The following NAALADL2 variants were observed in gnomAD, a reference collection of about 807,000 sequenced individuals.
The protein encoded by NAALADL2 is N-acetylated alpha-linked acidic dipeptidase like 2, also known as inactive N-acetylated-alpha-linked acidic dipeptidase-like protein 2.
NAALADL2 carries 76 observed loss-of-function variants against 87.2 expected under a neutral mutation model. The ratio of observed to expected loss-of-function variants is 0.87; its 90% CI spans 0.72 to 1.05. The LOEUF (loss-of-function observed/expected upper bound fraction) is 1.05, where lower values mean the gene tolerates loss of function less well. Among genes scored for constraint, NAALADL2 ranks in the 50% least tolerant of loss-of-function variants. The probability of loss-of-function intolerance (pLI) is 0.00; values close to 1 mark genes in which losing one functional copy is unlikely to be tolerated. For missense variants in NAALADL2, 1,089 were observed against 945.8 expected (o/e 1.15, Z -1.99); for synonymous variants, 354 against 331.0 (o/e 1.07, Z -0.75).
At chr3:174,726,564 C>A (rs866140445) in intron 2 of NAALADL2, among the ~76,000 whole-genome samples, 9 of 152,140 alleles carry the variant, frequency 5.9e-5, no homozygotes, top group Admixed American at 1.3e-4. Context: ...TGAGCCCATT[C>A]CGAATCCCAG....
chr3:174,822,294 C>T (rs574102900), intron 3 of NAALADL2, among the ~76,000 whole-genome samples: 1 of 152,224 alleles, frequency 6.6e-6, no homozygotes, highest in African/African-American at 2.4e-5. Context: ...GCTTATTGCA[C>T]AGGAGCTGGT....
intron 2 of NAALADL2, among the ~76,000 whole-genome samples, chr3:175,196,849 G>A (rs530999879): frequency 6.6e-6 from 1 of 151,782 alleles, no homozygotes; most frequent in Non-Finnish European, 1.5e-5. Context: ...CTCGATCTAG[G>A]GTACATATCA....
At position 175,149,031 on chromosome 3, in the gene NAALADL2, G is replaced by T. The variant is rs186117152; in HGVS notation, c.545+51740G>T. On this transcript the variant is annotated intron_variant, in intron 2 of 13. Transcript: ENST00000454872. Reference sequence around the variant, plus strand: ...AGGAATAACATTGAATCTATAGATTGCTTTGGGCAGTATGAGCATTTTAAT... The same window carrying T: ...AGGAATAACATTGAATCTATAGATTTCTTTGGGCAGTATGAGCATTTTAAT... Among the ~76,000 whole-genome samples, 3 of 152,228 alleles carry T rather than the reference G, an allele frequency of 2.0e-5. No homozygotes were observed. In the East Asian group the frequency reaches 5.8e-4, roughly 29 times the overall value.
intron 2 of NAALADL2, among the ~76,000 whole-genome samples, chr3:175,125,418 G>T (rs1485659408): frequency 3.3e-5 from 5 of 151,974 alleles, no homozygotes; most frequent in African/African-American, 4.8e-5. Flanking sequence ...AAGTGGGAGA[G>T]AACAGGGAGC....
At chr3:174,690,373 G>A (rs185358624) in intron 2 of NAALADL2, among the ~76,000 whole-genome samples, 202 of 152,108 alleles carry the variant, frequency 1.3e-3, no homozygotes, top group African/African-American at 4.5e-3. Flanking sequence ...AAAGTTTTAC[G>A]AGTATCATTA....
intron 12 of NAALADL2, among the ~76,000 whole-genome samples, chr3:175,739,777 T>C (rs925267703): frequency 2.0e-5 from 3 of 152,172 alleles, no homozygotes; most frequent in Non-Finnish European, 4.4e-5. Context: ...CTAAGAAACA[T>C]ACCTACATAC....
At chr3:175,492,448 T>C (rs897562507) in intron 9 of NAALADL2, among the ~76,000 whole-genome samples, 1 of 152,148 alleles carries the variant, frequency 6.6e-6, no homozygotes, top group Non-Finnish European at 1.5e-5. Flanking sequence ...GAGTATAAAA[T>C]GCTAATCAGG....
chr3:174,444,254 T>C (rs1374715769), intron 1 of NAALADL2, among the ~76,000 whole-genome samples: 1 of 152,100 alleles, frequency 6.6e-6, no homozygotes, highest in African/African-American at 2.4e-5. Context: ...CTAGAACAAA[T>C]GAGAGAAGGA....
intron 11 of NAALADL2, among the ~76,000 whole-genome samples, chr3:175,633,752 T>C (rs964988923): frequency 2.0e-5 from 3 of 151,794 alleles, no homozygotes; most frequent in Admixed American, 6.6e-5. Context: ...AAAAATTCCT[T>C]ATTTTTCAAT....
At chr3:175,664,878 A>G (rs1484170332) in intron 11 of NAALADL2, among the ~76,000 whole-genome samples, 1 of 152,078 alleles carries the variant, frequency 6.6e-6, no homozygotes, top group Non-Finnish European at 1.5e-5. Flanking sequence ...GTTTTACCTT[A>G]TCATATTTCC....
At chr3:175,597,462 C>A (rs541627527) in intron 10 of NAALADL2, among the ~76,000 whole-genome samples, 19 of 152,058 alleles carry the variant, frequency 1.2e-4, no homozygotes, top group Admixed American at 1.1e-3. Flanking sequence ...AGCCTTGTTT[C>A]TTACTGGATT....
intron 2 of NAALADL2, among the ~76,000 whole-genome samples, chr3:174,721,256 G>C (rs1213044182): frequency 6.6e-6 from 1 of 152,158 alleles, no homozygotes; most frequent in South Asian, 2.1e-4. Flanking sequence ...GGATTTTTAA[G>C]AGGTGATAAA....
chr3:174,871,297 C>T (rs1727790508), intron 1 of NAALADL2, among the ~76,000 whole-genome samples: 1 of 152,052 alleles, frequency 6.6e-6, no homozygotes, highest in African/African-American at 2.4e-5. Flanking sequence ...AATGATACAC[C>T]ACATAACTTT....
chr3:175,338,412 C>T lies in NAALADL2; in HGVS notation c.1090+14087C>T, dbSNP rs554643204. ...GATGCTGCAGGGCGGTATAAAAAGG[C>T]CAAGATTTGCATGAGAATAAGGAGA... On this transcript the variant is annotated intron_variant, in intron 5 of 13. Coordinates refer to ENST00000454872, the MANE Select transcript of NAALADL2 (RefSeq NM_207015.3). 5.3e-4 allele frequency among the ~76,000 whole-genome samples: 81 copies of T among 151,626 alleles called. 1 individual carries two copies. In the South Asian group the frequency reaches 8.7e-3, roughly 16 times the overall value.
At chr3:174,815,972 A>G (rs1246500063) in intron 3 of NAALADL2, among the ~76,000 whole-genome samples, 2 of 151,644 alleles carry the variant, frequency 1.3e-5, no homozygotes, top group East Asian at 1.9e-4. Flanking sequence ...ACTTAGAGAT[A>G]GGAATTCAAG....
chr3:175,192,513 G>T (rs1738361611), intron 2 of NAALADL2, among the ~76,000 whole-genome samples: 1 of 151,886 alleles, frequency 6.6e-6, no homozygotes, highest in African/African-American at 2.4e-5. Flanking sequence ...TCATTTTCTA[G>T]ATTAGCAGCT....
intron 3 of NAALADL2, among the ~76,000 whole-genome samples, chr3:174,821,262 C>T (rs1452114259): frequency 6.6e-6 from 1 of 151,910 alleles, no homozygotes; most frequent in Non-Finnish European, 1.5e-5. Context: ...TATATTTCAC[C>T]TTTAGTTTAA....
At chr3:174,812,957 A>G (rs574896981) in intron 3 of NAALADL2, among the ~76,000 whole-genome samples, 1 of 152,314 alleles carries the variant, frequency 6.6e-6, no homozygotes, top group Non-Finnish European at 1.5e-5. Context: ...TAAACTAAAA[A>G]TGTTATAAGC....
chr3:175,676,651 A>T (rs1734829654), intron 11 of NAALADL2: 1 of 152,066 alleles, frequency 6.6e-6, no homozygotes, highest in Non-Finnish European at 1.5e-5. Context: ...AAAAAAAAAA[A>T]ACTTCTCAAA....
Sources: gnomAD v4.1 joint callset for allele counts (sites outside exome capture counted in the v4.1 genomes callset) on GRCh38, gnomAD v4.1.1 for gene constraint, MANE v1.5 for transcripts, NCBI Gene and HGNC (gene_info 2026-07-23, HGNC 2026-07-21) for gene names.